PSMC3: variants seen among roughly 807,000 people sequenced by gnomAD.
PSMC3 encodes the protein proteasome 26S subunit, ATPase 3.
In PSMC3, 11 loss-of-function variants were observed where a neutral mutation model predicts 52.0. The observed-to-expected ratio is 0.21, with a 90% CI of 0.13 to 0.35. PSMC3 has a LOEUF of 0.35. Among genes scored for constraint, PSMC3 ranks in the 10% least tolerant of loss-of-function variants. PSMC3 has a pLI of 1.00. For synonymous variants in PSMC3, 201 were observed against 218.8 expected, an observed-to-expected ratio of 0.92 and a Z score of 0.72; for missense variants, 238 against 567.1, an observed-to-expected ratio of 0.42 and a Z score of 5.89.
intron 1 of PSMC3, 120 bp from the exon 2 acceptor site, chr11:47,426,070 C>T: frequency 7.2e-7 from 1 of 1,391,082 alleles, no homozygotes; most frequent in South Asian, 1.2e-5. Context: ...GGAGTCAGGA[C>T]CCCTGCCCAC....
rs756519205 is a variant in PSMC3 at position 47,424,369 on chromosome 11, C to T, written c.453+60G>A. 2.0e-5 allele frequency: 31 copies of T among 1,582,334 alleles called. No individual in the cohort carries two copies. Among genetic ancestry groups the T allele is most frequent in the Admixed American group, 1.7e-4 (10 of 59,512 alleles). ...ATTCAGAGCCAACAGTGACCTGGGGCGGGTACAGGGGCTCAGCTAGTCACC... is the reference window on the plus strand; with the variant it reads ...ATTCAGAGCCAACAGTGACCTGGGGTGGGTACAGGGGCTCAGCTAGTCACC... On this transcript the variant is annotated intron_variant, in intron 5 of 11. Coordinates refer to ENST00000298852, the MANE Select transcript of PSMC3 (RefSeq NM_002804.5). The surrounding 1 kb of genome is among the most constrained non-coding windows in gnomAD (Gnocchi z 4.8).
In PSMC3 at chr11:47,419,588, G is replaced by A. The variant is rs558090941; in HGVS notation, c.1128-391C>T. On this transcript the variant is annotated intron_variant, in intron 10 of 11. Transcript: ENST00000298852. Reference sequence around the variant, plus strand: ...GAAAAGTGAGGCTGAGGCCGGGCGTGGTGGCTCATACCTATAATCCCAGCA... The same window carrying A: ...GAAAAGTGAGGCTGAGGCCGGGCGTAGTGGCTCATACCTATAATCCCAGCA... Among the ~76,000 whole-genome samples the A allele has an allele frequency of 2.6e-4, 39 of 152,246 alleles. No homozygotes were observed. The South Asian group carries it at 6.6e-3, about 26-fold the overall frequency.
rs370398992 is a variant in PSMC3, at chr11:47,425,112, C to T, written c.285+9G>A. ...GACTCCCTCTCTTCCCCTCCACATA[C>T]ACACACACCTCGATGACGTTGGAGA... On this transcript the variant is annotated intron_variant, in intron 3 of 11. Transcript: ENST00000298852. 20 of 1,613,624 alleles carry T rather than the reference C, an allele frequency of 1.2e-5. No homozygotes were observed. Among genetic ancestry groups the T allele is most frequent in the African/African-American group, 2.7e-5 (2 of 74,918 alleles).
At chr11:47,419,766 G>T (rs556879657) in intron 10 of PSMC3, among the ~76,000 whole-genome samples, 1 of 152,158 alleles carries the variant, frequency 6.6e-6, no homozygotes, top group Admixed American at 6.5e-5. Context: ...GGCTGAGGCA[G>T]GAGAATGGCG....
chr11:47,421,875 T>C (rs997896994), intron 8 of PSMC3, among the ~76,000 whole-genome samples: 65 of 151,688 alleles, frequency 4.3e-4, no homozygotes, highest in African/African-American at 1.5e-3. Flanking sequence ...TGGTCTCGAA[T>C]TCCTGACCTC....
intron 8 of PSMC3, 89 bp from the exon 9 acceptor site, chr11:47,420,816 C>T (rs2096039615): frequency 8.4e-6 from 10 of 1,194,802 alleles, no homozygotes; most frequent in South Asian, 1.3e-5. Flanking sequence ...TAACCTAACC[C>T]GTCCAGGGCA....
At chr11:47,426,097 TC>T in intron 1 of PSMC3, 107 bp downstream of exon 1, 1 of 1,432,162 alleles carries the variant, frequency 7.0e-7, no homozygotes, top group Non-Finnish European at 9.6e-7. Context: ...AACAACCCCG[TC>T]CCCGGGATCG....
chr11:47,419,685 T>C (rs112878775), intron 10 of PSMC3, among the ~76,000 whole-genome samples: 2,548 of 152,116 alleles, frequency 0.017, 74 homozygotes, highest in African/African-American at 0.055. Flanking sequence ...AGGTGAAACC[T>C]CGTCTCTACT....
chr11:47,422,562 G>A lies in PSMC3; in HGVS notation c.884+12C>T. On this transcript the variant is annotated intron_variant, in intron 8 of 11. Coordinates refer to ENST00000298852, the MANE Select transcript of PSMC3 (RefSeq NM_002804.5). The surrounding 1 kb of genome is among the most constrained non-coding windows in gnomAD (Gnocchi z 4.3). Reference sequence around the variant, plus strand: ...CCACAGAGATCGCTAGGGACCCTTGGCCCTCCCTTACCGCTTGGTGCCGAT... The same window carrying A: ...CCACAGAGATCGCTAGGGACCCTTGACCCTCCCTTACCGCTTGGTGCCGAT... 6.2e-7 allele frequency: 1 copy of A among 1,613,764 alleles called. No homozygotes were observed. The highest frequency in any genetic ancestry group is 1.1e-5 in the South Asian group (1 of 91,072).
rs1182125062 is a variant in PSMC3, at chr11:47,424,207, C to G, written c.454-24G>C. 6.2e-7 allele frequency: 1 copy of G among 1,614,080 alleles called. No individual in the cohort carries two copies. Among genetic ancestry groups the G allele is most frequent in the East Asian group, 2.2e-5 (1 of 44,892 alleles). On this transcript the variant is annotated intron_variant, in intron 5 of 11. Coordinates refer to ENST00000298852, the MANE Select transcript of PSMC3 (RefSeq NM_002804.5). This position sits in a 1 kb window ranked among gnomAD's most constrained non-coding sequence, Gnocchi z 4.8. Reference sequence around the variant, plus strand: ...CCCTAAGGACACAGCACAGGGCCTTCAGATTTGGCCCAGCTCAAGGGCTAC... The same window carrying G: ...CCCTAAGGACACAGCACAGGGCCTTGAGATTTGGCCCAGCTCAAGGGCTAC...
intron 10 of PSMC3, 118 bp downstream of exon 10, chr11:47,420,146 C>T: frequency 1.6e-6 from 2 of 1,225,624 alleles, no homozygotes; most frequent in Middle Eastern, 2.7e-4. Flanking sequence ...GCTGTGTGTG[C>T]CTGGGGCCTG....
At chr11:47,423,072 A>G (rs1004507570) in intron 6 of PSMC3, 99 bp from the exon 7 acceptor site, 48 of 1,248,902 alleles carry the variant, frequency 3.8e-5, no homozygotes, top group Non-Finnish European at 5.3e-5. Context: ...CTCCTACTCT[A>G]ACTCAGGGAC....
chr11:47,419,590 T>C (rs557549751), intron 10 of PSMC3, among the ~76,000 whole-genome samples: 54 of 152,246 alleles, frequency 3.5e-4, no homozygotes, highest in Non-Finnish European at 6.8e-4. Flanking sequence ...CCGGGCGTGG[T>C]GGCTCATACC....
At chr11:47,426,120 G>A in intron 1 of PSMC3, 85 bp downstream of exon 1, 1 of 1,482,824 alleles carries the variant, frequency 6.7e-7, no homozygotes, top group Non-Finnish European at 9.2e-7. Flanking sequence ...GCCAGACCTT[G>A]ACCCCCAGCC....
In PSMC3 at chr11:47,424,943, C is replaced by A. The variant is rs965370669; in HGVS notation, c.285+178G>T. On this transcript the variant is annotated intron_variant, in intron 3 of 11. Transcript: ENST00000298852. This position sits in a 1 kb window ranked among gnomAD's most constrained non-coding sequence, Gnocchi z 4.8. ...GACATAACCAACAGAAAAGGAGACACGTGAGACCTCCCAGGACTTTGCAGG... is the reference window on the plus strand; with the variant it reads ...GACATAACCAACAGAAAAGGAGACAAGTGAGACCTCCCAGGACTTTGCAGG... Among the ~76,000 whole-genome samples, 2 of 152,132 alleles carry A rather than the reference C, an allele frequency of 1.3e-5. No individual in the cohort carries two copies. The highest frequency in any genetic ancestry group is 2.4e-5 in the African/African-American group (1 of 41,420).
chr11:47,419,624 C>T (rs577571253), intron 10 of PSMC3, among the ~76,000 whole-genome samples: 5 of 152,190 alleles, frequency 3.3e-5, no homozygotes, highest in African/African-American at 4.8e-5. Flanking sequence ...CTTTGGGAGG[C>T]CAAGGTGGGC....
intron 1 of PSMC3, 89 bp downstream of exon 1, chr11:47,426,116 C>G (rs772369014): frequency 2.3e-5 from 34 of 1,476,936 alleles, no homozygotes; most frequent in Admixed American, 3.9e-5. Context: ...TCGGGCCAGA[C>G]CTTGACCCCC....
intron 8 of PSMC3, among the ~76,000 whole-genome samples, chr11:47,421,455 C>G (rs2096040377): frequency 6.6e-6 from 1 of 151,960 alleles, no homozygotes; most frequent in Non-Finnish European, 1.5e-5. Context: ...AGCACACCAG[C>G]TAGGCAACCA....
At position 47,424,294 on chromosome 11, in the gene PSMC3, T is replaced by C; in HGVS notation, c.454-111A>G. Reference sequence around the variant, plus strand: ...GACACAGGACTGGGCAATACAAGAATCAAACAGCAAGTAGACAGAATCCCA... The same window carrying C: ...GACACAGGACTGGGCAATACAAGAACCAAACAGCAAGTAGACAGAATCCCA... On this transcript the variant is annotated intron_variant, in intron 5 of 11. Transcript: ENST00000298852. The surrounding 1 kb of genome is among the most constrained non-coding windows in gnomAD (Gnocchi z 4.8). 6.4e-7 allele frequency: 1 copy of C among 1,564,480 alleles called. No individual in the cohort carries two copies. The highest frequency in any genetic ancestry group is 8.8e-7 in the Non-Finnish European group (1 of 1,136,038).
Sources: allele counts gnomAD v4.1 joint callset (sites outside exome capture counted in the v4.1 genomes callset), GRCh38; gene constraint gnomAD v4.1.1; non-coding constraint Gnocchi (gnomAD v3.1); transcripts MANE v1.5; gene names NCBI Gene and HGNC (gene_info 2026-07-23, HGNC 2026-07-21).